Variants in KCNQ5 observed in about 807,000 individuals in gnomAD.
KCNQ5 encodes potassium voltage-gated channel subfamily Q member 5, also known as potassium voltage-gated channel subfamily KQT member 5.
Under a neutral mutation model 98.2 loss-of-function variants are expected in KCNQ5, and 30 were observed. The observed-to-expected ratio is 0.31, with a 90% CI of 0.23 to 0.41. The LOEUF (loss-of-function observed/expected upper bound fraction) is 0.41, where lower values mean the gene tolerates loss of function less well. Among genes scored for constraint, KCNQ5 ranks in the 10% least tolerant of loss-of-function variants. KCNQ5 has a pLI of 1.00. For missense variants in KCNQ5, 835 were observed against 1,182.5 expected, an observed-to-expected ratio of 0.71 and a Z score of 4.31; for synonymous variants, 458 against 449.4, an observed-to-expected ratio of 1.02 and a Z score of -0.24.
chr6:72,918,168 C>T (rs182188475), intron 1 of KCNQ5, among the ~76,000 whole-genome samples: 58 of 152,186 alleles, frequency 3.8e-4, no homozygotes, highest in Non-Finnish European at 5.4e-4. Context: ...CCCATAAAAA[C>T]GTGGCCTCTT....
intron 1 of KCNQ5, among the ~76,000 whole-genome samples, chr6:72,773,724 T>A (rs1307741301): frequency 1.3e-5 from 2 of 152,230 alleles, no homozygotes; most frequent in Non-Finnish European, 2.9e-5. Context: ...TATATTTTTT[T>A]AAATGGAAAT....
chr6:72,689,378 A>G (rs1768103162), intron 1 of KCNQ5, among the ~76,000 whole-genome samples: 2 of 152,222 alleles, frequency 1.3e-5, no homozygotes, highest in East Asian at 1.9e-4. Flanking sequence ...TTCGATCTCA[A>G]GCAACATCCC....
At chr6:72,775,851 G>C (rs1187616885) in intron 1 of KCNQ5, among the ~76,000 whole-genome samples, 1 of 152,146 alleles carries the variant, frequency 6.6e-6, no homozygotes, top group Non-Finnish European at 1.5e-5. Context: ...AGGAAAGCCT[G>C]AGAACTTGTC....
intron 1 of KCNQ5, among the ~76,000 whole-genome samples, chr6:72,971,007 C>A (rs1050282256): frequency 3.4e-4 from 51 of 152,204 alleles, no homozygotes; most frequent in South Asian, 2.5e-3. Flanking sequence ...ATGGGATCTA[C>A]TTAAACTAAA....
At chr6:72,813,811 AT>A (rs1562000323) in intron 1 of KCNQ5, among the ~76,000 whole-genome samples, 2 of 152,090 alleles carry the variant, frequency 1.3e-5, no homozygotes, top group Admixed American at 6.6e-5. Context: ...GTTTTACTAT[AT>A]TTTTTATTTG....
intron 1 of KCNQ5, among the ~76,000 whole-genome samples, chr6:72,639,206 A>G (rs2098925858): frequency 6.6e-6 from 1 of 152,194 alleles, no homozygotes; most frequent in Non-Finnish European, 1.5e-5. Context: ...AGATTTGCAA[A>G]AGGGACAAAG....
chr6:72,690,781 G>C (rs917041717), intron 1 of KCNQ5, among the ~76,000 whole-genome samples: 1 of 151,226 alleles, frequency 6.6e-6, no homozygotes, highest in Non-Finnish European at 1.5e-5. Flanking sequence ...TAGTGAAACT[G>C]TATGTGTTCT....
At position 72,843,299 on chromosome 6, in the gene KCNQ5, G is replaced by A. The variant is rs551904493; in HGVS notation, c.399-160609G>A. On this transcript the variant is annotated intron_variant, in intron 1 of 13. Transcript: ENST00000370398. ...TCAAAGATCAGATGATTGTAGATGT[G>A]TGGCATTATTTCTGAGGCCTCTGTT... Among the ~76,000 whole-genome samples the A allele has an allele frequency of 7.2e-5, 11 of 152,262 alleles. No individual in the cohort carries two copies. The South Asian group carries it at 2.3e-3, about 32-fold the overall frequency.
rs199760474 is a variant in KCNQ5, at chr6:73,093,041, C to CT, written c.919-12209dup. Among the ~76,000 whole-genome samples the CT allele has an allele frequency of 5.3e-3, 809 of 151,998 alleles. 10 individuals are homozygous for CT. The highest frequency in any genetic ancestry group is 0.045 in the East Asian group (231 of 5,172). Reference sequence around the variant, plus strand: ...TGCTGTGAATCCATCTGGTCCTGGACTTTTTTTGTTGGTAATTTTTTAACT... The same window carrying CT: ...TGCTGTGAATCCATCTGGTCCTGGACTTTTTTTTGTTGGTAATTTTTTAACT... On this transcript the variant is annotated intron_variant, in intron 5 of 13. Transcript: ENST00000370398.
At chr6:72,821,763 T>C (rs1159859026) in intron 1 of KCNQ5, among the ~76,000 whole-genome samples, 1 of 152,174 alleles carries the variant, frequency 6.6e-6, no homozygotes, top group Non-Finnish European at 1.5e-5. Context: ...ATTTTACTCC[T>C]CTTCTGTTGC....
intron 1 of KCNQ5, among the ~76,000 whole-genome samples, chr6:72,713,128 T>G (rs1769454513): frequency 6.6e-6 from 1 of 152,180 alleles, no homozygotes; most frequent in Non-Finnish European, 1.5e-5. Context: ...TAGTCAGAGA[T>G]GCAATTCCTA....
At chr6:72,854,431 G>GA (rs11321661) in intron 1 of KCNQ5, among the ~76,000 whole-genome samples, 80 of 150,978 alleles carry the variant, frequency 5.3e-4, no homozygotes, top group African/African-American at 1.9e-3. Context: ...AGCTTTATTA[G>GA]AAAAAAAATT....
chr6:72,773,131 G>C (rs1463061568), intron 1 of KCNQ5, among the ~76,000 whole-genome samples: 1 of 152,052 alleles, frequency 6.6e-6, no homozygotes, highest in African/African-American at 2.4e-5. Context: ...AAATTACTGG[G>C]TGTATACCCA....
intron 3 of KCNQ5, among the ~76,000 whole-genome samples, chr6:73,065,074 TGACTCTGCATCCCTGACCTTTCCCCCA>T (rs1772988043): frequency 6.8e-6 from 1 of 147,138 alleles, no homozygotes; most frequent in Non-Finnish European, 1.5e-5. Context: ...ATCTACTGCC[TGACTCTGCATCCCTGACCTTTCCCCCA>T]GACTCCAGCC....
chr6:72,658,215 T>A (rs1766294566), intron 1 of KCNQ5, among the ~76,000 whole-genome samples: 1 of 152,222 alleles, frequency 6.6e-6, no homozygotes, highest in Admixed American at 6.5e-5. Context: ...TAGATATTTA[T>A]GTATGTCAAG....
rs536343520 is a variant in KCNQ5 at position 72,669,659 on chromosome 6, T to C, written c.398+47072T>C. Among the ~76,000 whole-genome samples, 3 of 152,324 alleles carry C rather than the reference T, an allele frequency of 2.0e-5. No homozygotes were observed. The South Asian group carries it at 6.2e-4, about 32-fold the overall frequency. Reference sequence around the variant, plus strand: ...TTCTTTGAAGACTAGTTCGTGTTCATAGACAAAGAGCTCTATGGTCTGGTC... The same window carrying C: ...TTCTTTGAAGACTAGTTCGTGTTCACAGACAAAGAGCTCTATGGTCTGGTC... On this transcript the variant is annotated intron_variant, in intron 1 of 13. Transcript: ENST00000370398.
chr6:72,863,121 G>C (rs1243350981), intron 1 of KCNQ5, among the ~76,000 whole-genome samples: 3 of 152,160 alleles, frequency 2.0e-5, no homozygotes, highest in African/African-American at 7.2e-5. Flanking sequence ...GTAAAGTGTA[G>C]AGGATGCATT....
At chr6:72,779,821 CTGTGTGTGTGTG>C (rs35526812) in intron 1 of KCNQ5, among the ~76,000 whole-genome samples, 3,977 of 124,844 alleles carry the variant, frequency 0.032, 92 homozygotes, top group Non-Finnish European at 0.039. Flanking sequence ...ATTTAATTTT[CTGTGTGTGTGTG>C]TGTGTGTGTG....
At chr6:73,063,633 C>G (rs982555286) in intron 3 of KCNQ5, among the ~76,000 whole-genome samples, 8 of 144,866 alleles carry the variant, frequency 5.5e-5, no homozygotes, top group Non-Finnish European at 1.1e-4. Context: ...GTTAATAATC[C>G]CACTGAAATA....
Sources: allele counts gnomAD v4.1 joint callset (sites outside exome capture counted in the v4.1 genomes callset), GRCh38; gene constraint gnomAD v4.1.1; transcripts MANE v1.5; gene names NCBI Gene and HGNC (gene_info 2026-07-23, HGNC 2026-07-21).